MINDY2: variants seen among roughly 807,000 people sequenced by gnomAD.
The protein encoded by MINDY2 is MINDY lysine 48 deubiquitinase 2.
A neutral mutation model predicts 68.2 loss-of-function variants in MINDY2; 52 were observed. That is an observed-to-expected ratio of 0.76 (90% CI 0.61 to 0.96). The LOEUF is 0.96. Among genes scored for constraint, MINDY2 ranks in the 40% least tolerant of loss-of-function variants. The pLI is 0.00. For missense variants in MINDY2, 881 were observed against 773.4 expected, an observed-to-expected ratio of 1.14 and a Z score of -1.65; for synonymous variants, 372 against 303.0, an observed-to-expected ratio of 1.23 and a Z score of -2.36.
In MINDY2 at chr15:58,856,909, A is replaced by G. The variant is rs1425447033; in HGVS notation, c.*2299A>G. On this transcript the variant is annotated 3_prime_UTR_variant, in exon 9 of 9. Coordinates refer to ENST00000559228, the MANE Select transcript of MINDY2 (RefSeq NM_001040450.3). ...AGTATTTCTTCTGTTATTTGTTACT[A>G]TCTTCTTAATTTGTTCCAAAGAAAA... The G allele has an allele frequency of 2.0e-5, 3 of 152,212 alleles. No individual in the cohort carries two copies. The highest frequency in any genetic ancestry group is 4.4e-5 in the Non-Finnish European group (3 of 68,040). The allele number at this position is 152,212 out of a possible 1,614,324, so 9.4% of individuals were successfully genotyped here. A position where few individuals can be genotyped will look rare whatever the true frequency, so the allele number is the denominator to read the frequency against.
intron 5 of MINDY2, among the ~76,000 whole-genome samples, chr15:58,827,388 G>A (rs2031463282): frequency 6.6e-6 from 1 of 151,968 alleles, no homozygotes; most frequent in Admixed American, 6.6e-5. Context: ...TTATTCTTCT[G>A]TAACAGAACA....
intron 2 of MINDY2, among the ~76,000 whole-genome samples, chr15:58,794,295 A>G (rs1203276666): frequency 6.6e-6 from 1 of 151,852 alleles, no homozygotes; most frequent in Non-Finnish European, 1.5e-5. Flanking sequence ...TTTGGTAATA[A>G]TGAAACTGTA....
intron 4 of MINDY2, among the ~76,000 whole-genome samples, chr15:58,818,815 AT>A (rs1253412852): frequency 6.1e-5 from 9 of 147,614 alleles, no homozygotes; most frequent in Admixed American, 6.0e-4. Context: ...AATTTTTTGT[AT>A]TTTTTGTAGA....
At position 58,787,923 on chromosome 15, in the gene MINDY2, G is replaced by T. The variant is rs778204259; in HGVS notation, c.858G>T (p.Met286Ile). 6.3e-7 allele frequency: 1 copy of T among 1,597,704 alleles called. No individual in the cohort carries two copies. Among genetic ancestry groups the T allele is most frequent in the Non-Finnish European group, 8.5e-7 (1 of 1,173,402 alleles). Residue 286 changes from methionine to isoleucine, a missense_variant, in exon 2 of 9, where the codon ATG (methionine) becomes ATT (isoleucine). Transcript: ENST00000559228. ...TTTTTCAGGTGAAACTTCCACCGATGATGGAAATCATAACTGCTGAGCAGC... is the reference window on the plus strand; with the variant it reads ...TTTTTCAGGTGAAACTTCCACCGATTATGGAAATCATAACTGCTGAGCAGC... ...LLAWKVKLPP[M>I]MEIITAEQLM...
At chr15:58,851,456 A>G (rs1306800687) in intron 7 of MINDY2, among the ~76,000 whole-genome samples, 1 of 151,752 alleles carries the variant, frequency 6.6e-6, no homozygotes, top group Non-Finnish European at 1.5e-5. Flanking sequence ...ATTCATATTT[A>G]TAGACAGGGT....
intron 6 of MINDY2, among the ~76,000 whole-genome samples, chr15:58,842,526 C>G (rs1030599394): frequency 6.6e-6 from 1 of 151,892 alleles, no homozygotes; most frequent in Non-Finnish European, 1.5e-5. Context: ...GTTGATATAT[C>G]AAAAATTGTC....
intron 2 of MINDY2, among the ~76,000 whole-genome samples, chr15:58,792,298 G>A (rs536445572): frequency 2.6e-5 from 4 of 152,334 alleles, no homozygotes; most frequent in African/African-American, 9.6e-5. Flanking sequence ...GAAAACGTAT[G>A]TCCATACAGC....
intron 1 of MINDY2, among the ~76,000 whole-genome samples, chr15:58,785,918 A>C (rs1169686317): frequency 2.0e-5 from 3 of 152,094 alleles, no homozygotes; most frequent in African/African-American, 4.8e-5. Flanking sequence ...ACCTCAAGTG[A>C]TCTGCCCACC....
Position 58,840,628 on chromosome 15 carries a change from CTTATTATTATTATTA to C in MINDY2, c.1369-6639_1369-6625del, listed in dbSNP as rs71119408. Among the ~76,000 whole-genome samples the C allele has an allele frequency of 4.2e-3, 582 of 139,260 alleles. 3 individuals carry two copies. The highest frequency in any genetic ancestry group is 0.014 in the African/African-American group (510 of 37,710). 91.4% of individuals were successfully genotyped at this position (139,260 alleles called of 152,430 possible). A position where few individuals can be genotyped will look rare whatever the true frequency, so the allele number is the denominator to read the frequency against. On this transcript the variant is annotated intron_variant, in intron 6 of 8. Transcript: ENST00000559228. The stretch of plus-strand genomic sequence containing the variant: ...ACACATTGACCTCACTATTTATTTA[CTTATTATTATTATTA>C]TTATTATTATTATTATTATTATTAT...
At position 58,771,779 on chromosome 15, in the gene MINDY2, C is replaced by T. The variant is rs1567031987; in HGVS notation, c.384C>T (p.Asp128=). ...GVGHELGTAG[D]AGARPDLAGT... is the part of the protein sequence containing the mutation. ...GTCATGAGTTGGGTACCGCCGGAGACGCGGGAGCCCGCCCGGATCTCGCCG... is the reference window on the plus strand; with the variant it reads ...GTCATGAGTTGGGTACCGCCGGAGATGCGGGAGCCCGCCCGGATCTCGCCG... Residue 128 remains aspartate (D), a synonymous_variant, in exon 1 of 9, where the codon GAC becomes GAT. Coordinates refer to ENST00000559228, the MANE Select transcript of MINDY2 (RefSeq NM_001040450.3). 2 of 1,610,386 alleles carry T rather than the reference C, an allele frequency of 1.2e-6. No homozygotes were observed. The highest frequency in any genetic ancestry group is 2.2e-5 in the East Asian group (1 of 44,830).
chr15:58,771,892 C>T lies in MINDY2; in HGVS notation c.497C>T (p.Pro166Leu). 1 of 1,565,802 alleles carries T rather than the reference C, an allele frequency of 6.4e-7. No individual in the cohort carries two copies. Among genetic ancestry groups the T allele is most frequent in the Non-Finnish European group, 8.6e-7 (1 of 1,158,106 alleles). ...GLSSSCSDPSPPGESPSLDSL... is the reference protein window; with the variant it reads ...GLSSSCSDPSLPGESPSLDSL... ...AGCAGCAGTTGCAGCGACCCGAGCC[C>T]TCCTGGGGAATCTCCGAGCCTGGAC... Residue 166 changes from proline (P) to leucine (L), a missense_variant, in exon 1 of 9, where the codon CCT becomes CTT. Coordinates refer to ENST00000559228, the MANE Select transcript of MINDY2 (RefSeq NM_001040450.3).
At chr15:58,840,122 C>T (rs1269613458) in intron 6 of MINDY2, among the ~76,000 whole-genome samples, 1 of 152,228 alleles carries the variant, frequency 6.6e-6, no homozygotes. Context: ...GCGTGAGCCA[C>T]GCGTTTGGCC....
At chr15:58,826,624 A>T (rs1229342088) in intron 5 of MINDY2, among the ~76,000 whole-genome samples, 8 of 152,210 alleles carry the variant, frequency 5.3e-5, no homozygotes, top group Admixed American at 4.6e-4. Context: ...AGAACAAGGA[A>T]TTCTCTTATA....
At position 58,836,112 on chromosome 15, in the gene MINDY2, G is replaced by C. The variant is rs139651928; in HGVS notation, c.1368+4196G>C. Among the ~76,000 whole-genome samples, 204 of 152,184 alleles carry C rather than the reference G, an allele frequency of 1.3e-3. 1 individual carries two copies. Among genetic ancestry groups the C allele is most frequent in the African/African-American group, 4.7e-3 (194 of 41,534 alleles). On this transcript the variant is annotated intron_variant, in intron 6 of 8. Coordinates refer to ENST00000559228, the MANE Select transcript of MINDY2 (RefSeq NM_001040450.3). Reference sequence around the variant, plus strand: ...TTTTTAGTAGAGACAGGGTTTCGCTGTGTTAGCCAGGATGGTCTCAATCTC... The same window carrying C: ...TTTTTAGTAGAGACAGGGTTTCGCTCTGTTAGCCAGGATGGTCTCAATCTC...
chr15:58,819,174 C>T (rs905616529), intron 4 of MINDY2, among the ~76,000 whole-genome samples: 5 of 152,158 alleles, frequency 3.3e-5, no homozygotes, highest in Admixed American at 1.3e-4. Flanking sequence ...AGAGGCCTTG[C>T]ATGGTGGCTA....
chr15:58,818,841 G>A (rs889790502), intron 4 of MINDY2, among the ~76,000 whole-genome samples: 3 of 151,668 alleles, frequency 2.0e-5, no homozygotes, highest in Admixed American at 6.6e-5. Flanking sequence ...GGGTTTCCTC[G>A]TGTTGGCCAG....
At chr15:58,790,037 C>G (rs911427539) in intron 2 of MINDY2, among the ~76,000 whole-genome samples, 3 of 152,116 alleles carry the variant, frequency 2.0e-5, no homozygotes, top group Non-Finnish European at 4.4e-5. Context: ...CCTTGGCCTC[C>G]CAAAGTGCTG....
intron 6 of MINDY2, among the ~76,000 whole-genome samples, chr15:58,845,400 C>T (rs577840964): frequency 1.3e-5 from 2 of 152,196 alleles, no homozygotes; most frequent in African/African-American, 4.8e-5. Context: ...AATGAGACTC[C>T]ATCTTAAAGA....
intron 1 of MINDY2, among the ~76,000 whole-genome samples, chr15:58,783,877 T>C (rs1319750535): frequency 6.6e-6 from 1 of 151,154 alleles, no homozygotes; most frequent in African/African-American, 2.4e-5. Context: ...CCCGGGGAGG[T>C]TGAGGGTACA....
Sources: allele counts gnomAD v4.1 joint callset (sites outside exome capture counted in the v4.1 genomes callset), GRCh38; gene constraint gnomAD v4.1.1; transcripts MANE v1.5; gene names NCBI Gene and HGNC (gene_info 2026-07-23, HGNC 2026-07-21).